Variants in NEK8 observed in about 807,000 individuals in gnomAD.
NEK8 encodes the protein serine/threonine-protein kinase Nek8.
A neutral mutation model predicts 77.2 loss-of-function variants in NEK8; 51 were observed. That is an observed-to-expected ratio of 0.66 (90% CI 0.53 to 0.83). The LOEUF is 0.83. Among genes scored for constraint, NEK8 ranks in the 40% least tolerant of loss-of-function variants. The probability of loss-of-function intolerance (pLI) is 0.00; values close to 1 mark genes in which losing one functional copy is unlikely to be tolerated. For synonymous variants in NEK8, 365 were observed against 363.2 expected, an observed-to-expected ratio of 1.00 and a Z score of -0.06; for missense variants, 787 against 909.2, an observed-to-expected ratio of 0.87 and a Z score of 1.73.
Position 28,737,297 on chromosome 17 carries a change from C to G in NEK8, c.619-9C>G. ...ACTTCCCCAAATTCTCAACCTGGTG[C>G]CTTCACAGAACTTGCCAGCACTGGT... On this transcript the variant is annotated splice_polypyrimidine_tract_variant and intron_variant, in intron 4 of 14. Coordinates refer to ENST00000268766, the MANE Select transcript of NEK8 (RefSeq NM_178170.3). This position sits in a 1 kb window ranked among gnomAD's most constrained non-coding sequence, Gnocchi z 4.8. The G allele has an allele frequency of 3.1e-6, 5 of 1,605,594 alleles. No individual in the cohort carries two copies. Among genetic ancestry groups the G allele is most frequent in the Non-Finnish European group, 4.3e-6 (5 of 1,176,360 alleles).
rs548799146 is a variant in NEK8, at chr17:28,731,339, A to G, written c.47+2479A>G. The stretch of plus-strand genomic sequence containing the variant: ...CAGGTCACGAGGTCAAGAGATCGAG[A>G]CCATCCCGGCCAACATGGTAAAACC... On this transcript the variant is annotated intron_variant, in intron 1 of 14. Transcript: ENST00000268766. Among the ~76,000 whole-genome samples the G allele has an allele frequency of 3.1e-3, 470 of 152,172 alleles. 1 individual carries two copies. Among genetic ancestry groups the G allele is most frequent in the African/African-American group, 0.011 (454 of 41,526 alleles).
intron 4 of NEK8, among the ~76,000 whole-genome samples, chr17:28,736,327 C>A (rs1267063543): frequency 6.6e-6 from 1 of 152,158 alleles, no homozygotes; most frequent in Admixed American, 6.5e-5. Context: ...ATTTCTAGTT[C>A]TAGATCCCTG....
In NEK8 at chr17:28,740,749, A is replaced by T; in HGVS notation, c.1569-73A>T. ...TGCTATTGGTTCAACCCAGGGTGGG[A>T]TCTGTCTCCTGGTGCACCAGCTCCT... On this transcript the variant is annotated intron_variant, in intron 11 of 14. Transcript: ENST00000268766. This position sits in a 1 kb window ranked among gnomAD's most constrained non-coding sequence, Gnocchi z 4.7. 1 of 1,593,378 alleles carries T rather than the reference A, an allele frequency of 6.3e-7. No homozygotes were observed.
rs1486554418 is a variant in NEK8, at chr17:28,737,648, G to T, written c.828-27G>T. On this transcript the variant is annotated intron_variant, in intron 5 of 14. Transcript: ENST00000268766. The surrounding 1 kb of genome is among the most constrained non-coding windows in gnomAD (Gnocchi z 4.8). ...ATGTAGGAATGTCAGGAGGGTCTTT[G>T]TCCTTAGGCCCCCATCTGTCCTGCA... 1 of 1,614,168 alleles carries T rather than the reference G, an allele frequency of 6.2e-7. No homozygotes were observed. The highest frequency in any genetic ancestry group is 1.1e-5 in the South Asian group (1 of 91,090).
At chr17:28,729,213 T>C (rs569460434) in intron 1 of NEK8, among the ~76,000 whole-genome samples, 2 of 152,388 alleles carry the variant, frequency 1.3e-5, no homozygotes, top group East Asian at 3.9e-4. Flanking sequence ...GGGAAAGTTA[T>C]ACAATAAACA....
rs183536507 is a variant in NEK8, at chr17:28,741,115, C to T, written c.1770C>T (p.His590=). 462 of 1,614,130 alleles carry T rather than the reference C, an allele frequency of 2.9e-4. 3 individuals are homozygous for T. The East Asian group carries it at 7.8e-3, about 27-fold the overall frequency. Residue 590 remains histidine (H), a synonymous_variant, in exon 13 of 15, where the codon CAC becomes CAT. Transcript: ENST00000268766. The surrounding 1 kb of genome is among the most constrained non-coding windows in gnomAD (Gnocchi z 4.5). The part of the protein sequence containing the change: ...GDCYTFGSNQ[H]GQLGTNTRRG... ...GCTACACTTTTGGCAGCAATCAGCA[C>T]GGACAGTTGGGCACCAATACTCGCC...
rs191642127 is a variant in NEK8 at position 28,740,219 on chromosome 17, G to A, written c.1418-244G>A. Among the ~76,000 whole-genome samples the A allele has an allele frequency of 3.9e-5, 6 of 152,302 alleles. No homozygotes were observed. The East Asian group carries it at 1.2e-3, about 29-fold the overall frequency. ...GAATCGCTTGAACCCAGGAGGCAGAGGTTGCAGTGAGTGAAGATCATACCC... is the reference window on the plus strand; with the variant it reads ...GAATCGCTTGAACCCAGGAGGCAGAAGTTGCAGTGAGTGAAGATCATACCC... On this transcript the variant is annotated intron_variant, in intron 10 of 14. Transcript: ENST00000268766. The surrounding 1 kb of genome is among the most constrained non-coding windows in gnomAD (Gnocchi z 4.7).
In NEK8 at chr17:28,741,984, C is replaced by T. The variant is rs563448269; in HGVS notation, c.2076C>T (p.Pro692=). Residue 692 remains proline (P), a synonymous_variant, in exon 15 of 15, where the codon CCC becomes CCT. Transcript: ENST00000268766. The surrounding 1 kb of genome is among the most constrained non-coding windows in gnomAD (Gnocchi z 4.5). ...CGGTCACAGATGAGCCGGTCCCCCC[C>T]TGAGGCACCCGGATTCACCTCTGGA... The part of the protein sequence containing the change: ...VRSVTDEPVP[P] 1.9e-6 allele frequency: 3 copies of T among 1,614,092 alleles called. No individual in the cohort carries two copies. Among genetic ancestry groups the T allele is most frequent in the African/African-American group, 1.3e-5 (1 of 75,042 alleles).
chr17:28,729,736 G>A (rs949484884), intron 1 of NEK8, among the ~76,000 whole-genome samples: 2 of 151,960 alleles, frequency 1.3e-5, no homozygotes, highest in Non-Finnish European at 2.9e-5. Context: ...AGTACAGATG[G>A]GGTTTCGCCA....
Position 28,741,704 on chromosome 17 carries a change from G to A in NEK8, c.2050+133G>A, listed in dbSNP as rs2034425089. 8 of 1,226,766 alleles carry A rather than the reference G, an allele frequency of 6.5e-6. No homozygotes were observed. The highest frequency in any genetic ancestry group is 1.2e-5 in the South Asian group (1 of 82,040). The allele number at this position is 1,226,766 out of a possible 1,614,324, so 76.0% of individuals were successfully genotyped here. A position where few individuals can be genotyped will look rare whatever the true frequency, so the allele number is the denominator to read the frequency against. On this transcript the variant is annotated intron_variant, in intron 14 of 14. Coordinates refer to ENST00000268766, the MANE Select transcript of NEK8 (RefSeq NM_178170.3). This position sits in a 1 kb window ranked among gnomAD's most constrained non-coding sequence, Gnocchi z 4.5. ...CCAGATAAAAAAAGCAGAAGCTGCG[G>A]TTGAAAAGCTTCAAGCTTCCTGCCT...
chr17:28,736,887 G>C (rs965750690), intron 4 of NEK8, among the ~76,000 whole-genome samples: 3 of 152,170 alleles, frequency 2.0e-5, no homozygotes, highest in Non-Finnish European at 4.4e-5. Context: ...ATTCTTCTAG[G>C]GGTTTGATGG....
At chr17:28,736,054 G>A (rs1405286403) in intron 4 of NEK8, among the ~76,000 whole-genome samples, 1 of 151,156 alleles carries the variant, frequency 6.6e-6, no homozygotes, top group African/African-American at 2.4e-5. Flanking sequence ...GCGATAGTTT[G>A]CTGAGAATGA....
chr17:28,735,367 C>T lies in NEK8; in HGVS notation c.614C>T (p.Ala205Val). The change falls in exon 4 of 15, where the codon GCT becomes GTT. Residue 205 changes from alanine to valine, a missense_variant. By Grantham distance (64) the Ala-to-Val change is moderately conservative (BLOSUM62 0). Transcript: ENST00000268766. Reference protein sequence around the residue: ...ELASLKRAFEAANLPALVLKI... With the variant: ...ELASLKRAFEVANLPALVLKI... ...GCCAGCCTCAAGAGGGCTTTCGAGG[C>T]TGCGGTGAGTGTATGCACCCTCCAG... The T allele has an allele frequency of 1.9e-6, 3 of 1,613,554 alleles. No individual in the cohort carries two copies. Among genetic ancestry groups the T allele is most frequent in the Non-Finnish European group, 2.5e-6 (3 of 1,179,804 alleles).
chr17:28,733,920 G>T, intron 1 of NEK8, 63 bp from the exon 2 acceptor site: 1 of 1,420,900 alleles, frequency 7.0e-7, no homozygotes, highest in East Asian at 2.3e-5. Context: ...AGGCTGCACC[G>T]CCCTGCCTGA....
In NEK8 at chr17:28,734,201, C is replaced by G. The variant is rs1597805138; in HGVS notation, c.253+13C>G. Reference sequence around the variant, plus strand: ...GAATATGCACCAGGTGGGCCAGCCTCCTTACAGTGGCCTGGCTGGAGGGCC... The same window carrying G: ...GAATATGCACCAGGTGGGCCAGCCTGCTTACAGTGGCCTGGCTGGAGGGCC... On this transcript the variant is annotated intron_variant, in intron 2 of 14. Transcript: ENST00000268766. 4.3e-6 allele frequency: 7 copies of G among 1,611,618 alleles called. No individual in the cohort carries two copies. Among genetic ancestry groups the G allele is most frequent in the Non-Finnish European group, 5.9e-6 (7 of 1,177,674 alleles).
rs930800533 is a variant in NEK8 at position 28,742,465 on chromosome 17, G to A, written c.*478G>A. On this transcript the variant is annotated 3_prime_UTR_variant, in exon 15 of 15. Coordinates refer to ENST00000268766, the MANE Select transcript of NEK8 (RefSeq NM_178170.3). ...AAAAATTAGCTGGGCGTGGTGGCAC[G>A]CGCCTGTAGTCCCAGCTGCTCAGGA... 6.3e-5 allele frequency: 14 copies of A among 223,284 alleles called. No individual in the cohort carries two copies. Among genetic ancestry groups the A allele is most frequent in the African/African-American group, 2.7e-4 (12 of 43,834 alleles). 13.8% of individuals were successfully genotyped at this position (223,284 alleles called of 1,614,324 possible).
intron 2 of NEK8, 197 bp downstream of exon 2, chr17:28,734,385 G>A (rs1410105123): frequency 1.6e-6 from 1 of 623,124 alleles, no homozygotes; most frequent in African/African-American, 1.8e-5. Flanking sequence ...GAGAGGGGTT[G>A]TTGGCTGGGC....
Position 28,739,225 on chromosome 17 carries a change from A to G in NEK8, c.1417+24A>G, listed in dbSNP as rs1427498577. ...CGGTAAGCTCCAGCCTTTAGGCCCC[A>G]TCTCACAGCATCCTCAGCCATGACT... On this transcript the variant is annotated intron_variant, in intron 10 of 14. Transcript: ENST00000268766. 2.0e-6 allele frequency: 3 copies of G among 1,478,058 alleles called. No homozygotes were observed. In the East Asian group the frequency reaches 6.8e-5, roughly 33 times the overall value. 91.6% of individuals were successfully genotyped at this position (1,478,058 alleles called of 1,614,324 possible). A position where few individuals can be genotyped will look rare whatever the true frequency, so the allele number is the denominator to read the frequency against.
chr17:28,740,358 G>A lies in NEK8; in HGVS notation c.1418-105G>A. The stretch of plus-strand genomic sequence containing the variant: ...GCCTAGGAAAGGCATTTGGGACTGA[G>A]AGAACAGAGAACTCATGCTGTTCCC... On this transcript the variant is annotated intron_variant, in intron 10 of 14. Coordinates refer to ENST00000268766, the MANE Select transcript of NEK8 (RefSeq NM_178170.3). The surrounding 1 kb of genome is among the most constrained non-coding windows in gnomAD (Gnocchi z 4.7). 2.1e-6 allele frequency: 2 copies of A among 944,232 alleles called. No individual in the cohort carries two copies. Among genetic ancestry groups the A allele is most frequent in the Non-Finnish European group, 1.7e-6 (1 of 572,376 alleles). The allele number at this position is 944,232 out of a possible 1,614,324, so 58.5% of individuals were successfully genotyped here. A position where few individuals can be genotyped will look rare whatever the true frequency, so the allele number is the denominator to read the frequency against.
Sources: allele counts gnomAD v4.1 joint callset (sites outside exome capture counted in the v4.1 genomes callset), GRCh38; gene constraint gnomAD v4.1.1; non-coding constraint Gnocchi (gnomAD v3.1); transcripts MANE v1.5; gene names NCBI Gene and HGNC (gene_info 2026-07-23, HGNC 2026-07-21).